RNF4: variants seen among roughly 807,000 people sequenced by gnomAD.
RNF4 encodes E3 ubiquitin-protein ligase RNF4.
A neutral mutation model predicts 24.3 loss-of-function variants in RNF4; 7 were observed. The ratio of observed to expected loss-of-function variants is 0.29; its 90% confidence interval spans 0.16 to 0.54. The LOEUF (loss-of-function observed/expected upper bound fraction) is 0.54, where lower values mean the gene tolerates loss of function less well. Ranked by LOEUF, RNF4 falls within the 20% of genes least tolerant of loss-of-function variation. The pLI is 0.95. For synonymous variants in RNF4, 83 were observed against 84.3 expected (o/e 0.98, Z 0.09); for missense variants, 209 against 248.5 (o/e 0.84, Z 1.07).
rs759399441 is a variant in RNF4 at position 2,490,522 on chromosome 4, G to C, written c.9+20G>C. The C allele has an allele frequency of 4.4e-6, 7 of 1,609,162 alleles. No individual in the cohort carries two copies. The highest frequency in any genetic ancestry group is 1.7e-4 in the Middle Eastern group (1 of 6,038). Reference sequence around the variant, plus strand: ...AGTACAGTAAGTTTTATCATCTCTTGAATTTTTAATTTTGTAGGGCTAATT... The same window carrying C: ...AGTACAGTAAGTTTTATCATCTCTTCAATTTTTAATTTTGTAGGGCTAATT... On this transcript the variant is annotated intron_variant, in intron 2 of 7. Transcript: ENST00000314289.
chr4:2,497,242 A>T, intron 3 of RNF4, 121 bp downstream of exon 3: 1 of 618,048 alleles, frequency 1.6e-6, no homozygotes, highest in Non-Finnish European at 2.8e-6. Context: ...TCTCACACTC[A>T]CCATGTACAA....
intron 3 of RNF4, chr4:2,497,364 G>C: frequency 9.3e-6 from 3 of 323,454 alleles, no homozygotes; most frequent in Non-Finnish European, 1.7e-5. Context: ...GCGCAAATGA[G>C]ATAGCCCACC....
chr4:2,478,418 C>G (rs932925561), intron 1 of RNF4, among the ~76,000 whole-genome samples: 1 of 152,228 alleles, frequency 6.6e-6, no homozygotes, highest in African/African-American at 2.4e-5. Context: ...GGGCATGTCA[C>G]AGGCCTTCAT....
chr4:2,481,797 T>G (rs1201297203), intron 1 of RNF4, among the ~76,000 whole-genome samples: 1 of 152,174 alleles, frequency 6.6e-6, no homozygotes, highest in Non-Finnish European at 1.5e-5. Flanking sequence ...AGCTTCAACC[T>G]CCCAGTCTCA....
chr4:2,509,522 G>C (rs1011158196), intron 4 of RNF4, among the ~76,000 whole-genome samples: 5 of 152,072 alleles, frequency 3.3e-5, no homozygotes, highest in African/African-American at 1.2e-4. Context: ...CCAGCCTGTG[G>C]TGTTGTTCTT....
intron 1 of RNF4, among the ~76,000 whole-genome samples, chr4:2,477,673 T>G (rs1486133055): frequency 6.6e-6 from 1 of 152,188 alleles, no homozygotes; most frequent in Non-Finnish European, 1.5e-5. Context: ...AGGCATGACT[T>G]ACTTGCTTCT....
At chr4:2,484,033 T>C (rs1007230682) in intron 1 of RNF4, among the ~76,000 whole-genome samples, 2 of 116,606 alleles carry the variant, frequency 1.7e-5, no homozygotes, top group East Asian at 2.9e-4. Context: ...CACCATATTG[T>C]TCAGGCTGGT....
At chr4:2,472,607 A>T (rs1264255419) in intron 1 of RNF4, among the ~76,000 whole-genome samples, 2 of 97,856 alleles carry the variant, frequency 2.0e-5, no homozygotes, top group Non-Finnish European at 2.6e-5. Context: ...CTCTTAAAAA[A>T]AAAAAAAAAA....
intron 4 of RNF4, among the ~76,000 whole-genome samples, chr4:2,508,093 C>T (rs1052153931): frequency 3.9e-5 from 6 of 152,136 alleles, no homozygotes; most frequent in South Asian, 2.1e-4. Flanking sequence ...TGATTCATCC[C>T]GCCTTGGCCT....
At chr4:2,486,953 C>G (rs1735429258) in intron 1 of RNF4, among the ~76,000 whole-genome samples, 1 of 152,142 alleles carries the variant, frequency 6.6e-6, no homozygotes, top group Admixed American at 6.6e-5. Context: ...ATATGAGAAC[C>G]CAGGACATGT....
At chr4:2,482,620 G>A (rs1409398834) in intron 1 of RNF4, among the ~76,000 whole-genome samples, 2 of 152,202 alleles carry the variant, frequency 1.3e-5, no homozygotes, top group Non-Finnish European at 2.9e-5. Flanking sequence ...CAGGCCCCTG[G>A]GGATTTTGGT....
At chr4:2,503,887 AT>A (rs1450411646) in intron 4 of RNF4, among the ~76,000 whole-genome samples, 2 of 152,164 alleles carry the variant, frequency 1.3e-5, no homozygotes, top group Non-Finnish European at 2.9e-5. Flanking sequence ...TACCTGTAAT[AT>A]AGGAATCCCT....
At chr4:2,482,646 G>A (rs528407649) in intron 1 of RNF4, among the ~76,000 whole-genome samples, 3 of 152,324 alleles carry the variant, frequency 2.0e-5, no homozygotes, top group African/African-American at 7.2e-5. Context: ...CCTGATTGCT[G>A]GTGGCAGCTT....
chr4:2,509,433 G>A (rs909103054), intron 4 of RNF4, among the ~76,000 whole-genome samples: 2 of 152,068 alleles, frequency 1.3e-5, no homozygotes, highest in African/African-American at 4.8e-5. Flanking sequence ...GGTCAGGCTG[G>A]TCTCGAACTC....
At chr4:2,504,524 T>TGCA (rs1736008555) in intron 4 of RNF4, among the ~76,000 whole-genome samples, 1 of 140,814 alleles carries the variant, frequency 7.1e-6, no homozygotes, top group Admixed American at 7.2e-5. Flanking sequence ...GTTTTATAGC[T>TGCA]TTTATTTATT....
chr4:2,498,141 C>T (rs539981243), intron 3 of RNF4, among the ~76,000 whole-genome samples: 2 of 152,284 alleles, frequency 1.3e-5, no homozygotes, highest in South Asian at 2.1e-4. Flanking sequence ...TCTAGGCAGT[C>T]TTACCCCTGT....
intron 1 of RNF4, chr4:2,481,166 G>A (rs2108753753): frequency 6.6e-6 from 1 of 152,326 alleles, no homozygotes; most frequent in African/African-American, 2.4e-5. Flanking sequence ...TCTGTAAACT[G>A]ACTGAGGCCC....
intron 1 of RNF4, among the ~76,000 whole-genome samples, chr4:2,485,829 C>G (rs1578506085): frequency 6.6e-6 from 1 of 152,132 alleles, no homozygotes; most frequent in Non-Finnish European, 1.5e-5. Context: ...TAGCGCTTAC[C>G]TAAGTGAGAG....
chr4:2,499,849 T>G (rs1160508790), intron 3 of RNF4, among the ~76,000 whole-genome samples: 4 of 152,092 alleles, frequency 2.6e-5, no homozygotes, highest in East Asian at 1.9e-4. Context: ...ACTTGAGAGA[T>G]AAATGGAAAT....
Sources: gnomAD v4.1 joint callset for allele counts (sites outside exome capture counted in the v4.1 genomes callset) on GRCh38, gnomAD v4.1.1 for gene constraint, MANE v1.5 for transcripts, NCBI Gene and HGNC (gene_info 2026-07-23, HGNC 2026-07-21) for gene names.